FHIT: variants seen among roughly 807,000 people sequenced by gnomAD.
FHIT encodes the protein bis(5'-adenosyl)-triphosphatase.
In FHIT, 19 loss-of-function variants were observed where a neutral mutation model predicts 17.9. The ratio of observed to expected loss-of-function variants is 1.06; its 90% CI spans 0.74 to 1.56. The LOEUF (loss-of-function observed/expected upper bound fraction) is 1.56. Among genes scored for constraint, FHIT ranks in the 40% most tolerant of loss-of-function variants. The probability of loss-of-function intolerance (pLI) is 0.00; values close to 1 mark genes in which losing one functional copy is unlikely to be tolerated. For synonymous variants in FHIT, 81 were observed against 69.7 expected (o/e 1.16, Z -0.81); for missense variants, 248 against 189.2 (o/e 1.31, Z -1.82).
At chr3:60,099,043 C>G (rs1271890470) in intron 5 of FHIT, among the ~76,000 whole-genome samples, 1 of 152,120 alleles carries the variant, frequency 6.6e-6, no homozygotes, top group Non-Finnish European at 1.5e-5. Flanking sequence ...ACCACTGGCT[C>G]TCAAAGCCTC....
At chr3:60,008,765 CTTGAA>C (rs1199050546) in intron 7 of FHIT, among the ~76,000 whole-genome samples, 1 of 152,228 alleles carries the variant, frequency 6.6e-6, no homozygotes, top group East Asian at 1.9e-4. Flanking sequence ...TGCTCAGAGG[CTTGAA>C]TTGTAGTATT....
At chr3:60,342,707 A>G (rs1476745093) in intron 5 of FHIT, among the ~76,000 whole-genome samples, 1 of 152,230 alleles carries the variant, frequency 6.6e-6, no homozygotes, top group African/African-American at 2.4e-5. Context: ...AAAGAGAAGT[A>G]AGATGTTTAA....
intron 3 of FHIT, among the ~76,000 whole-genome samples, chr3:61,023,360 A>G (rs2032558384): frequency 6.6e-6 from 1 of 152,218 alleles, no homozygotes; most frequent in Non-Finnish European, 1.5e-5. Context: ...AAAAAAATGG[A>G]AAAGCATTCC....
intron 4 of FHIT, among the ~76,000 whole-genome samples, chr3:60,581,411 C>T (rs2037745831): frequency 6.6e-6 from 1 of 152,080 alleles, no homozygotes; most frequent in African/African-American, 2.4e-5. Context: ...CATTAGACTG[C>T]TTACTTAGTG....
intron 2 of FHIT, among the ~76,000 whole-genome samples, chr3:61,164,392 C>T (rs970878483): frequency 6.6e-6 from 1 of 152,286 alleles, no homozygotes; most frequent in East Asian, 1.9e-4. Flanking sequence ...AAATCAGAAA[C>T]TCTGGAAGAG....
chr3:59,921,139 G>T (rs1473835948), intron 8 of FHIT, among the ~76,000 whole-genome samples: 1 of 152,150 alleles, frequency 6.6e-6, no homozygotes, highest in Non-Finnish European at 1.5e-5. Flanking sequence ...AGATAGTAAG[G>T]GTTATCCTAA....
At chr3:59,937,743 A>G (rs1286973200) in intron 7 of FHIT, among the ~76,000 whole-genome samples, 2 of 152,174 alleles carry the variant, frequency 1.3e-5, no homozygotes, top group Admixed American at 1.3e-4. Flanking sequence ...ATCATTCAAT[A>G]TTGCTATTTT....
At chr3:59,765,351 A>G (rs1435845916) in intron 8 of FHIT, among the ~76,000 whole-genome samples, 1 of 152,256 alleles carries the variant, frequency 6.6e-6, no homozygotes, top group South Asian at 2.1e-4. Flanking sequence ...ATTGACACAG[A>G]TCTTTAAAAC....
At chr3:60,132,669 G>C (rs1275385656) in intron 5 of FHIT, among the ~76,000 whole-genome samples, 2 of 152,080 alleles carry the variant, frequency 1.3e-5, no homozygotes, top group Admixed American at 6.6e-5. Flanking sequence ...ATTTCTGTGA[G>C]ATTTACTGGA....
intron 5 of FHIT, among the ~76,000 whole-genome samples, chr3:60,238,381 G>T (rs1427989590): frequency 9.2e-6 from 1 of 109,002 alleles, no homozygotes; most frequent in East Asian, 3.0e-4. Context: ...ATCTAAGAAT[G>T]AAATAAAAGA....
At chr3:60,005,891 T>C (rs1699904665) in intron 7 of FHIT, among the ~76,000 whole-genome samples, 1 of 152,186 alleles carries the variant, frequency 6.6e-6, no homozygotes, top group African/African-American at 2.4e-5. Flanking sequence ...AAATCTTTCC[T>C]AGAAATTGGT....
At chr3:60,216,340 G>A (rs1256389844) in intron 5 of FHIT, among the ~76,000 whole-genome samples, 2 of 152,230 alleles carry the variant, frequency 1.3e-5, no homozygotes, top group East Asian at 1.9e-4. Context: ...GTTTGTTTCC[G>A]AGATAAGCGT....
intron 5 of FHIT, among the ~76,000 whole-genome samples, chr3:60,125,902 G>A (rs1559655763): frequency 1.3e-5 from 2 of 152,126 alleles, no homozygotes; most frequent in South Asian, 4.1e-4. Flanking sequence ...ACAGTTTATT[G>A]AGAGGCCTCT....
intron 8 of FHIT, among the ~76,000 whole-genome samples, chr3:59,864,363 C>T (rs1301934294): frequency 3.3e-5 from 5 of 152,138 alleles, no homozygotes; most frequent in Non-Finnish European, 7.3e-5. Flanking sequence ...TCCTGATTTT[C>T]TCTTGCTGCC....
chr3:59,799,126 AAAC>A (rs2106965678), intron 8 of FHIT, among the ~76,000 whole-genome samples: 1 of 152,294 alleles, frequency 6.6e-6, no homozygotes, highest in African/African-American at 2.4e-5. Flanking sequence ...ACTCAGTTTT[AAAC>A]AACATCTCTC....
At chr3:59,986,519 A>ACATT (rs1559523435) in intron 7 of FHIT, among the ~76,000 whole-genome samples, 1,122 of 4,864 alleles carry the variant, frequency 0.23, 55 homozygotes, top group Admixed American at 0.32. Flanking sequence ...ATATATATAT[A>ACATT]TATATATATA....
intron 4 of FHIT, among the ~76,000 whole-genome samples, chr3:60,588,125 C>CA (rs1437471969): frequency 1.3e-5 from 2 of 151,942 alleles, no homozygotes; most frequent in African/African-American, 4.8e-5. Flanking sequence ...TCACGTGGAC[C>CA]AAGAAGGATT....
At chr3:60,223,050 A>T (rs1704034391) in intron 5 of FHIT, among the ~76,000 whole-genome samples, 1 of 152,166 alleles carries the variant, frequency 6.6e-6, no homozygotes, top group African/African-American at 2.4e-5. Context: ...ATACGTATGC[A>T]TTTACACGTA....
chr3:59,789,824 A>G (rs2106922396), intron 8 of FHIT, among the ~76,000 whole-genome samples: 1 of 152,308 alleles, frequency 6.6e-6, no homozygotes, highest in South Asian at 2.1e-4. Context: ...TTGATTTATT[A>G]GTGGGATTTT....
Sources: gnomAD v4.1 joint callset for allele counts (sites outside exome capture counted in the v4.1 genomes callset) on GRCh38, gnomAD v4.1.1 for gene constraint, MANE v1.5 for transcripts, NCBI Gene and HGNC (gene_info 2026-07-23, HGNC 2026-07-21) for gene names.